RBFOX1: variants seen among roughly 807,000 people sequenced by gnomAD.
The protein encoded by RBFOX1 is RNA binding fox-1 homolog 1, also known as RNA binding protein fox-1 homolog 1.
A neutral mutation model predicts 57.7 loss-of-function variants in RBFOX1; 8 were observed. That is an observed-to-expected ratio of 0.14 (90% confidence interval 0.08 to 0.25). The LOEUF is 0.25. Ranked by LOEUF, RBFOX1 falls within the 10% of genes least tolerant of loss-of-function variation. The probability of loss-of-function intolerance (pLI) is 1.00; values close to 1 mark genes in which losing one functional copy is unlikely to be tolerated. For missense variants in RBFOX1, 611 were observed against 548.5 expected (o/e 1.11, Z -1.14); for synonymous variants, 326 against 222.4 (o/e 1.47, Z -4.15).
Position 7,353,235 on chromosome 16 carries a change from C to T in RBFOX1, c.28-164912C>T, listed in dbSNP as rs549413468. Among the ~76,000 whole-genome samples, 8 of 152,160 alleles carry T rather than the reference C, an allele frequency of 5.3e-5. No individual in the cohort carries two copies. The South Asian group carries it at 1.7e-3, about 32-fold the overall frequency. Reference sequence around the variant, plus strand: ...TTAACTGGACATTCACCATCACTAGCCATAAATAAATGGTACCTATTACAA... The same window carrying T: ...TTAACTGGACATTCACCATCACTAGTCATAAATAAATGGTACCTATTACAA... On this transcript the variant is annotated intron_variant, in intron 4 of 15. Coordinates refer to ENST00000550418, the MANE Select transcript of RBFOX1 (RefSeq NM_018723.4).
chr16:5,536,520 G>A (rs570570071), intron 2 of RBFOX1, among the ~76,000 whole-genome samples: 1 of 152,208 alleles, frequency 6.6e-6, no homozygotes, highest in African/African-American at 2.4e-5. Flanking sequence ...ACAGGTGTGA[G>A]CCAGCGCTCC....
chr16:5,937,671 T>C (rs1183040143), intron 4 of RBFOX1, among the ~76,000 whole-genome samples: 1 of 149,886 alleles, frequency 6.7e-6, no homozygotes, highest in East Asian at 1.9e-4. Flanking sequence ...AACTTTATAA[T>C]ATATAGTTAT....
At chr16:5,609,444 G>T (rs1340156868) in intron 3 of RBFOX1, among the ~76,000 whole-genome samples, 3 of 152,230 alleles carry the variant, frequency 2.0e-5, no homozygotes, top group African/African-American at 7.2e-5. Flanking sequence ...GCTGGGGGCA[G>T]AGGAGAGGTC....
At chr16:6,915,644 G>A (rs373620004) in intron 3 of RBFOX1, among the ~76,000 whole-genome samples, 2 of 150,082 alleles carry the variant, frequency 1.3e-5, no homozygotes, top group African/African-American at 2.5e-5. Context: ...TCTGCCTCTC[G>A]GGTTCAAGTG....
chr16:5,783,902 C>A (rs896957007), intron 3 of RBFOX1, among the ~76,000 whole-genome samples: 1 of 152,122 alleles, frequency 6.6e-6, no homozygotes, highest in African/African-American at 2.4e-5. Flanking sequence ...TGCATCCCCT[C>A]CACAAATTCA....
intron 2 of RBFOX1, among the ~76,000 whole-genome samples, chr16:6,329,214 A>G (rs890783521): frequency 1.3e-5 from 2 of 152,214 alleles, no homozygotes; most frequent in Non-Finnish European, 1.5e-5. Flanking sequence ...TTCTTAAGAT[A>G]ACAGCTAACA....
intron 2 of RBFOX1, among the ~76,000 whole-genome samples, chr16:6,470,529 C>G (rs1264689091): frequency 6.6e-6 from 1 of 152,202 alleles, no homozygotes; most frequent in African/African-American, 2.4e-5. Flanking sequence ...ACCTTCAGCT[C>G]TCTATGTGCA....
At chr16:7,114,489 C>G (rs923159686) in intron 4 of RBFOX1, among the ~76,000 whole-genome samples, 1 of 152,152 alleles carries the variant, frequency 6.6e-6, no homozygotes, top group South Asian at 2.1e-4. Flanking sequence ...TTAAGAAGCA[C>G]TCAAGCACTG....
chr16:6,665,550 G>A (rs1427136590), intron 3 of RBFOX1, among the ~76,000 whole-genome samples: 1 of 151,868 alleles, frequency 6.6e-6, no homozygotes, highest in Admixed American at 6.6e-5. Context: ...ACTTAAACCT[G>A]GGAGGCGGTG....
In RBFOX1 at chr16:5,658,797, ATG is replaced by A. The variant is rs1488840150; in HGVS notation, c.318+59840_318+59841del. Among the ~76,000 whole-genome samples the A allele has an allele frequency of 5.8e-4, 79 of 136,338 alleles. No individual in the cohort carries two copies. In the East Asian group the frequency reaches 0.013, roughly 22 times the overall value. The allele number at this position is 136,338 out of a possible 152,430, so 89.4% of individuals were successfully genotyped here. A position where few individuals can be genotyped will look rare whatever the true frequency, so the allele number is the denominator to read the frequency against. Reference sequence around the variant, plus strand: ...ATGTATATATGTATATATATAATATATGTGTATATATGTATATATAATATATG... The same window carrying A: ...ATGTATATATGTATATATATAATATATGTATATATGTATATATAATATATG... On this transcript the variant is annotated intron_variant, in intron 3 of 19. Coordinates refer to the RBFOX1 transcript ENST00000641259.
chr16:7,381,134 A>T (rs1597001301), intron 4 of RBFOX1, among the ~76,000 whole-genome samples: 1 of 152,208 alleles, frequency 6.6e-6, no homozygotes, highest in African/African-American at 2.4e-5. Flanking sequence ...GAGTAAACAG[A>T]CACAGATAGT....
chr16:6,236,196 C>G (rs1298121723), intron 1 of RBFOX1, among the ~76,000 whole-genome samples: 5 of 152,038 alleles, frequency 3.3e-5, no homozygotes, highest in Non-Finnish European at 5.9e-5. Context: ...CTCAGTATGC[C>G]TTTGTTGTTG....
chr16:7,296,070 T>C (rs1389055684), intron 4 of RBFOX1, among the ~76,000 whole-genome samples: 1 of 151,910 alleles, frequency 6.6e-6, no homozygotes, highest in African/African-American at 2.4e-5. Context: ...GTGCCTATGC[T>C]GAGAAGCACT....
chr16:6,644,413 T>G (rs1274056648), intron 2 of RBFOX1, among the ~76,000 whole-genome samples: 1 of 152,232 alleles, frequency 6.6e-6, no homozygotes, highest in African/African-American at 2.4e-5. Context: ...ATTTGCTGTT[T>G]AAGAAGGAAG....
At chr16:5,251,476 C>G (rs546638776) in intron 1 of RBFOX1, among the ~76,000 whole-genome samples, 5 of 152,282 alleles carry the variant, frequency 3.3e-5, no homozygotes, top group African/African-American at 1.2e-4. Flanking sequence ...GAGCCCAGAG[C>G]CACCCCTAGT....
chr16:6,161,453 T>A (rs568016941), intron 1 of RBFOX1, among the ~76,000 whole-genome samples: 2 of 151,486 alleles, frequency 1.3e-5, no homozygotes, highest in Admixed American at 1.3e-4. Flanking sequence ...CTCCATCCCA[T>A]TGGCTGGGGC....
chr16:6,685,174 C>G (rs1188201153), intron 3 of RBFOX1, among the ~76,000 whole-genome samples: 1 of 151,856 alleles, frequency 6.6e-6, no homozygotes, highest in Non-Finnish European at 1.5e-5. Flanking sequence ...TTTATTCCTG[C>G]TGTACTTACT....
chr16:7,687,471 T>G (rs2076310856), intron 14 of RBFOX1, among the ~76,000 whole-genome samples: 1 of 152,026 alleles, frequency 6.6e-6, no homozygotes, highest in South Asian at 2.1e-4. Context: ...AAGCCCCTCA[T>G]TTACAATCTG....
intron 3 of RBFOX1, among the ~76,000 whole-genome samples, chr16:5,779,731 C>G (rs1333955738): frequency 6.6e-6 from 1 of 152,108 alleles, no homozygotes; most frequent in Non-Finnish European, 1.5e-5. Context: ...TTGTATTGCC[C>G]TGATATTTGG....
Sources: gnomAD v4.1 joint callset for allele counts (sites outside exome capture counted in the v4.1 genomes callset) on GRCh38, gnomAD v4.1.1 for gene constraint, MANE v1.5 for transcripts, NCBI Gene and HGNC (gene_info 2026-07-23, HGNC 2026-07-21) for gene names.